ITPR1: variants seen among roughly 807,000 people sequenced by gnomAD.
The protein encoded by ITPR1 is inositol 1,4,5-trisphosphate receptor type 1.
A neutral mutation model predicts 318.4 loss-of-function variants in ITPR1; 96 were observed. The ratio of observed to expected loss-of-function variants is 0.30; its 90% CI spans 0.26 to 0.36. ITPR1 has a LOEUF of 0.36. Ranked by LOEUF, ITPR1 falls within the 10% of genes least tolerant of loss-of-function variation. The probability of loss-of-function intolerance (pLI) is 1.00; values close to 1 mark genes in which losing one functional copy is unlikely to be tolerated. For missense variants in ITPR1, 2,440 were observed against 3,460.2 expected (o/e 0.71, Z 7.40); for synonymous variants, 1,312 against 1,289.9 (o/e 1.02, Z -0.37).
At chr3:4,606,823 G>A (rs2091739056) in intron 4 of ITPR1, among the ~76,000 whole-genome samples, 1 of 152,110 alleles carries the variant, frequency 6.6e-6, no homozygotes, top group African/African-American at 2.4e-5. Context: ...ATAAATTGGG[G>A]TCCGAGTTTT....
At position 4,652,224 on chromosome 3, in the gene ITPR1, T is replaced by TAGCA. The variant is rs1559616950; in HGVS notation, c.951+7_951+10dup. The TAGCA allele has an allele frequency of 1.9e-6, 3 of 1,602,440 alleles. No homozygotes were observed. In the South Asian group the frequency reaches 3.4e-5, roughly 18 times the overall value. Reference sequence around the variant, plus strand: ...GGCATTACTTGGCAGCAGAGGTAAGTAGCAGCTCCTGTGGTTTTCTCTTTC... The same window carrying TAGCA: ...GGCATTACTTGGCAGCAGAGGTAAGTAGCAAGCAGCTCCTGTGGTTTTCTCTTTC... On this transcript the variant is annotated splice_region_variant and intron_variant, in intron 11 of 61. Transcript: ENST00000649015.
rs74721198 is a variant in ITPR1 at position 4,733,694 on chromosome 3, A to G, written c.5353+474A>G. On this transcript the variant is annotated intron_variant, in intron 43 of 61. Coordinates refer to ENST00000649015, the MANE Select transcript of ITPR1 (RefSeq NM_001378452.1). ...ACTCATTATATGATAGGTACAGTCT[A>G]TCCCAGTTCCACAGAGGAAATGGAA... 9.9e-3 allele frequency among the ~76,000 whole-genome samples: 1,504 copies of G among 152,270 alleles called. 25 individuals carry two copies. The highest frequency in any genetic ancestry group is 0.034 in the African/African-American group (1,417 of 41,550).
intron 4 of ITPR1, among the ~76,000 whole-genome samples, chr3:4,585,128 C>T (rs150002795): frequency 1.6e-4 from 24 of 152,280 alleles, no homozygotes; most frequent in African/African-American, 5.5e-4. Flanking sequence ...TCAGTTCAGT[C>T]CTATACTCTT....
chr3:4,835,722 T>A (rs1385377746), intron 60 of ITPR1, among the ~76,000 whole-genome samples: 1 of 152,230 alleles, frequency 6.6e-6, no homozygotes, highest in African/African-American at 2.4e-5. Context: ...TTACTGTTCA[T>A]TCCTGCCTCT....
At chr3:4,833,091 C>CA (rs1553765555) in intron 60 of ITPR1, among the ~76,000 whole-genome samples, 1 of 152,208 alleles carries the variant, frequency 6.6e-6, no homozygotes, top group Non-Finnish European at 1.5e-5. Context: ...CCTCAGCGCT[C>CA]AACCCCATGC....
chr3:4,705,556 G>T (rs2094739311), intron 36 of ITPR1, among the ~76,000 whole-genome samples: 1 of 152,160 alleles, frequency 6.6e-6, no homozygotes, highest in Non-Finnish European at 1.5e-5. Flanking sequence ...GCCTTTCCTT[G>T]TTTCTTATGA....
intron 56 of ITPR1, among the ~76,000 whole-genome samples, chr3:4,812,151 C>T (rs980978910): frequency 1.2e-4 from 18 of 152,052 alleles, no homozygotes; most frequent in African/African-American, 4.3e-4. Flanking sequence ...AGCAATCCTC[C>T]CACCTCAGCC....
In ITPR1 at chr3:4,847,256, T is replaced by A. The variant is rs1209759559; in HGVS notation, c.*1031T>A. On this transcript the variant is annotated 3_prime_UTR_variant, in exon 62 of 62. Coordinates refer to ENST00000649015, the MANE Select transcript of ITPR1 (RefSeq NM_001378452.1). ...TCATAGTTGACCACAGACATGTTAT[T>A]CTTCTGAAAGAGCCACATTTTGGTT... 2.0e-5 allele frequency: 3 copies of A among 152,660 alleles called. No individual in the cohort carries two copies. The highest frequency in any genetic ancestry group is 7.2e-5 in the African/African-American group (3 of 41,464). 9.5% of individuals were successfully genotyped at this position (152,660 alleles called of 1,614,324 possible).
At chr3:4,625,651 G>T (rs146103264) in intron 4 of ITPR1, among the ~76,000 whole-genome samples, 2,081 of 152,120 alleles carry the variant, frequency 0.014, 36 homozygotes, top group African/African-American at 0.048. Context: ...CTGCCTCCCG[G>T]GTTCACACCA....
At chr3:4,604,620 T>C (rs950098854) in intron 4 of ITPR1, among the ~76,000 whole-genome samples, 2 of 152,074 alleles carry the variant, frequency 1.3e-5, no homozygotes, top group Non-Finnish European at 2.9e-5. Flanking sequence ...GACTCTTTCA[T>C]GGACACGCAT....
At chr3:4,527,149 C>T (rs774040190) in intron 4 of ITPR1, among the ~76,000 whole-genome samples, 12 of 152,152 alleles carry the variant, frequency 7.9e-5, no homozygotes, top group Non-Finnish European at 1.2e-4. Flanking sequence ...CCAGAGCCCT[C>T]TTCCAAAGGC....
intron 29 of ITPR1, among the ~76,000 whole-genome samples, 160 bp from the exon 30 acceptor site, chr3:4,684,909 C>CT (rs1379045383): frequency 6.6e-6 from 1 of 152,224 alleles, no homozygotes; most frequent in Non-Finnish European, 1.5e-5. Context: ...ATGGATTTGG[C>CT]TTGATGGAGT....
At chr3:4,671,347 G>A (rs1484768021) in intron 20 of ITPR1, among the ~76,000 whole-genome samples, 2 of 152,228 alleles carry the variant, frequency 1.3e-5, no homozygotes, top group African/African-American at 2.4e-5. Context: ...TTTATAGACA[G>A]AGACAGAAGA....
chr3:4,803,280 G>C (rs998546707), intron 54 of ITPR1, among the ~76,000 whole-genome samples: 2 of 151,956 alleles, frequency 1.3e-5, no homozygotes, highest in South Asian at 2.1e-4. Context: ...AACAGATTTG[G>C]GGGGGACACA....
chr3:4,647,587 A>G (rs1686664509), intron 10 of ITPR1, among the ~76,000 whole-genome samples: 3 of 152,206 alleles, frequency 2.0e-5, no homozygotes, highest in Non-Finnish European at 4.4e-5. Context: ...TAGTTCTTCC[A>G]TATCCTTACC....
chr3:4,619,028 C>T (rs550362023), intron 4 of ITPR1, among the ~76,000 whole-genome samples: 6 of 152,252 alleles, frequency 3.9e-5, no homozygotes, highest in South Asian at 2.1e-4. Context: ...GTTGTTATTT[C>T]GATACAGTTC....
intron 5 of ITPR1, among the ~76,000 whole-genome samples, chr3:4,633,672 C>T (rs747511760): frequency 6.6e-6 from 1 of 152,184 alleles, no homozygotes; most frequent in Non-Finnish European, 1.5e-5. Flanking sequence ...GGTCTCTTGA[C>T]AAAATGAGCT....
intron 17 of ITPR1, among the ~76,000 whole-genome samples, chr3:4,666,781 C>A (rs1045433839): frequency 6.6e-6 from 1 of 152,150 alleles, no homozygotes; most frequent in African/African-American, 2.4e-5. Context: ...CTTGAGTTCA[C>A]AAATATTTCT....
intron 3 of ITPR1, among the ~76,000 whole-genome samples, chr3:4,518,535 C>A (rs879687769): frequency 6.6e-6 from 1 of 152,120 alleles, no homozygotes; most frequent in African/African-American, 2.4e-5. Context: ...AGTTTGACAA[C>A]CCTTCCTGTT....
Sources: allele counts gnomAD v4.1 joint callset (sites outside exome capture counted in the v4.1 genomes callset), GRCh38; gene constraint gnomAD v4.1.1; transcripts MANE v1.5; gene names NCBI Gene and HGNC (gene_info 2026-07-23, HGNC 2026-07-21).